The following ALK variants were observed in gnomAD, a reference collection of about 807,000 sequenced individuals.
ALK encodes ALK tyrosine kinase receptor.
A neutral mutation model predicts 163.1 loss-of-function variants in ALK; 74 were observed. That is an observed-to-expected ratio of 0.45 (90% CI 0.38 to 0.55). ALK has a LOEUF of 0.55. ALK is among the 20% of genes least tolerant of loss of function. ALK has a pLI of 0.00. For missense variants in ALK, 2,063 were observed against 2,105.3 expected (o/e 0.98, Z 0.39); for synonymous variants, 960 against 843.2 (o/e 1.14, Z -2.40).
intron 1 of ALK, among the ~76,000 whole-genome samples, chr2:29,772,980 G>A (rs1001926406): frequency 4.6e-5 from 7 of 152,162 alleles, no homozygotes; most frequent in African/African-American, 1.4e-4. Flanking sequence ...ACGACGTGCT[G>A]GAGTTCCCAC....
At chr2:29,852,444 C>CA (rs1202148018) in intron 1 of ALK, among the ~76,000 whole-genome samples, 3 of 152,184 alleles carry the variant, frequency 2.0e-5, no homozygotes, top group Non-Finnish European at 4.4e-5. Flanking sequence ...ACAAGTAAGA[C>CA]AGTTGCTGAC....
At chr2:29,217,153 G>T (rs557634052) in intron 23 of ALK, among the ~76,000 whole-genome samples, 2 of 149,852 alleles carry the variant, frequency 1.3e-5, no homozygotes, top group Admixed American at 1.3e-4. Context: ...TGTGTGTAGT[G>T]TATGTGTTGT....
chr2:29,670,598 C>T (rs945095828), intron 3 of ALK, among the ~76,000 whole-genome samples: 1 of 152,064 alleles, frequency 6.6e-6, no homozygotes, highest in Admixed American at 6.6e-5. Flanking sequence ...AACTTTATGC[C>T]CCTTGCTCTT....
At chr2:29,603,937 G>A (rs1052847700) in intron 3 of ALK, among the ~76,000 whole-genome samples, 2 of 152,072 alleles carry the variant, frequency 1.3e-5, no homozygotes, top group African/African-American at 4.8e-5. Flanking sequence ...GATTCCTAAT[G>A]AGACCCTTTT....
At chr2:29,659,334 T>A (rs1677279316) in intron 3 of ALK, among the ~76,000 whole-genome samples, 1 of 152,078 alleles carries the variant, frequency 6.6e-6, no homozygotes, top group African/African-American at 2.4e-5. Context: ...AGGTGAGGCT[T>A]CCAGGAAGGC....
At chr2:29,424,664 T>C (rs986915251) in intron 4 of ALK, among the ~76,000 whole-genome samples, 1 of 152,226 alleles carries the variant, frequency 6.6e-6, no homozygotes, top group African/African-American at 2.4e-5. Flanking sequence ...TATTCAATGA[T>C]AGTTCATTCA....
intron 1 of ALK, among the ~76,000 whole-genome samples, chr2:29,909,464 G>A (rs1230213322): frequency 7.1e-6 from 1 of 141,792 alleles, no homozygotes; most frequent in East Asian, 2.1e-4. Flanking sequence ...TACACACACA[G>A]AGAGAGACAG....
chr2:29,258,562 G>A (rs1665007622), intron 11 of ALK, among the ~76,000 whole-genome samples: 1 of 152,192 alleles, frequency 6.6e-6, no homozygotes, highest in Non-Finnish European at 1.5e-5. Context: ...TCAAGATACT[G>A]AATTGGTTCT....
intron 3 of ALK, among the ~76,000 whole-genome samples, chr2:29,668,275 T>G (rs1677578873): frequency 3.3e-5 from 5 of 152,036 alleles, no homozygotes; most frequent in Admixed American, 3.3e-4. Context: ...TTTCATTTAT[T>G]TCTGCTCTGG....
intron 11 of ALK, among the ~76,000 whole-genome samples, chr2:29,259,400 T>G (rs931755833): frequency 1.3e-5 from 2 of 152,180 alleles, no homozygotes; most frequent in Non-Finnish European, 2.9e-5. Flanking sequence ...CTGTAAGTAT[T>G]TATATTTATT....
intron 4 of ALK, among the ~76,000 whole-genome samples, chr2:29,493,559 G>T (rs987582719): frequency 6.6e-6 from 1 of 152,154 alleles, no homozygotes; most frequent in African/African-American, 2.4e-5. Context: ...TTCTCTGAGG[G>T]AGTGGCATGC....
intron 1 of ALK, among the ~76,000 whole-genome samples, chr2:29,738,148 C>T (rs1267472854): frequency 6.6e-6 from 1 of 151,908 alleles, no homozygotes; most frequent in African/African-American, 2.4e-5. Context: ...TTCAATTATT[C>T]ATCAAATACT....
chr2:29,453,175 G>A (rs904235550), intron 4 of ALK, among the ~76,000 whole-genome samples: 1 of 146,618 alleles, frequency 6.8e-6, no homozygotes, highest in Non-Finnish European at 1.5e-5. Context: ...TAGGTGATGG[G>A]TTTATAGAAA....
intron 3 of ALK, among the ~76,000 whole-genome samples, chr2:29,677,155 T>C (rs946904167): frequency 4.0e-5 from 6 of 151,756 alleles, no homozygotes; most frequent in Admixed American, 6.6e-5. Context: ...TTTTATCCTT[T>C]CCAATCTGTA....
rs147327889 is a variant in ALK, at chr2:29,628,558, T to C, written c.952+66292A>G. On this transcript the variant is annotated intron_variant, in intron 3 of 28. Transcript: ENST00000389048. Reference sequence around the variant, plus strand: ...CTTCACAAGTATTATACTCTACTCATTTGTTATTGCATAGCAAACACTCTG... The same window carrying C: ...CTTCACAAGTATTATACTCTACTCACTTGTTATTGCATAGCAAACACTCTG... 5.7e-3 allele frequency among the ~76,000 whole-genome samples: 869 copies of C among 152,308 alleles called. 9 individuals are homozygous for C. The highest frequency in any genetic ancestry group is 0.019 in the African/African-American group (770 of 41,576).
chr2:29,267,169 G>T (rs1411485487), intron 11 of ALK, among the ~76,000 whole-genome samples: 4 of 151,840 alleles, frequency 2.6e-5, no homozygotes, highest in South Asian at 2.1e-4. Flanking sequence ...AGAAACCAAG[G>T]TTGGCCTCCA....
At chr2:29,617,664 C>A (rs930849662) in intron 3 of ALK, among the ~76,000 whole-genome samples, 1 of 152,164 alleles carries the variant, frequency 6.6e-6, no homozygotes, top group African/African-American at 2.4e-5. Context: ...CTTCCCTTGA[C>A]CCACTCATCT....
At chr2:29,728,515 G>C (rs1176328530) in intron 1 of ALK, among the ~76,000 whole-genome samples, 2 of 152,288 alleles carry the variant, frequency 1.3e-5, no homozygotes, top group African/African-American at 4.8e-5. Context: ...AAGTCCTTTT[G>C]ACATCTTGAT....
intron 3 of ALK, among the ~76,000 whole-genome samples, chr2:29,545,235 G>A (rs1029335241): frequency 6.6e-6 from 1 of 152,174 alleles, no homozygotes; most frequent in African/African-American, 2.4e-5. Context: ...CACTCACAGG[G>A]CTTAGATGGC....
Sources: allele counts gnomAD v4.1 joint callset (sites outside exome capture counted in the v4.1 genomes callset), GRCh38; gene constraint gnomAD v4.1.1; transcripts MANE v1.5; gene names NCBI Gene and HGNC (gene_info 2026-07-23, HGNC 2026-07-21).